The following GPC5 variants were observed in gnomAD, a reference collection of about 807,000 sequenced individuals.
GPC5 encodes glypican-5.
A neutral mutation model predicts 53.9 loss-of-function variants in GPC5; 47 were observed. The observed-to-expected ratio is 0.87, with a 90% CI of 0.69 to 1.11. GPC5 has a LOEUF of 1.11. Among genes scored for constraint, GPC5 ranks in the 50% most tolerant of loss-of-function variants. The pLI is 0.00. For synonymous variants in GPC5, 286 were observed against 263.3 expected (o/e 1.09, Z -0.84); for missense variants, 748 against 713.1 (o/e 1.05, Z -0.56).
At chr13:91,465,204 C>A (rs1035111946) in intron 2 of GPC5, among the ~76,000 whole-genome samples, 14 of 152,086 alleles carry the variant, frequency 9.2e-5, no homozygotes, top group African/African-American at 3.4e-4. Context: ...ACTTGCTCTT[C>A]ATCTTTAATG....
At chr13:92,488,238 G>A (rs1270619973) in intron 7 of GPC5, among the ~76,000 whole-genome samples, 2 of 152,080 alleles carry the variant, frequency 1.3e-5, no homozygotes, top group Non-Finnish European at 2.9e-5. Flanking sequence ...TTTAAGGATT[G>A]CAAACTTACT....
intron 1 of GPC5, among the ~76,000 whole-genome samples, chr13:91,413,630 G>A (rs755377058): frequency 3.3e-5 from 5 of 152,192 alleles, no homozygotes; most frequent in South Asian, 2.1e-4. Context: ...CCATCCTATC[G>A]TCTTGAGCTT....
chr13:91,718,595 G>A (rs1376166040), intron 3 of GPC5, among the ~76,000 whole-genome samples: 3 of 151,614 alleles, frequency 2.0e-5, no homozygotes, highest in Non-Finnish European at 2.9e-5. Flanking sequence ...GGTCATGTGA[G>A]GAAAATTATT....
chr13:92,520,191 A>C (rs969542970), intron 7 of GPC5, among the ~76,000 whole-genome samples: 3 of 152,202 alleles, frequency 2.0e-5, no homozygotes, highest in Admixed American at 1.3e-4. Context: ...GCAGAATTCT[A>C]CCAGAGGTAC....
chr13:92,746,948 G>A (rs1400102915), intron 7 of GPC5, among the ~76,000 whole-genome samples: 1 of 151,952 alleles, frequency 6.6e-6, no homozygotes. Flanking sequence ...TTAAGTATAT[G>A]GTATAGCTTA....
rs1491346250 is a variant in GPC5, at chr13:91,586,562, GTA to G, written c.326-106624_326-106623del. 1.5e-4 allele frequency among the ~76,000 whole-genome samples: 3 copies of G among 19,704 alleles called. 1 individual carries two copies. Among genetic ancestry groups the G allele is most frequent in the Non-Finnish European group, 2.5e-4 (3 of 11,950 alleles). The allele number at this position is 19,704 out of a possible 152,430, so 12.9% of individuals were successfully genotyped here. A position where few individuals can be genotyped will look rare whatever the true frequency, so the allele number is the denominator to read the frequency against. On this transcript the variant is annotated intron_variant, in intron 2 of 7. Coordinates refer to ENST00000377067, the MANE Select transcript of GPC5 (RefSeq NM_004466.6). ...TATATATATATATATATATATATAT[GTA>G]GAGAGAGAGAGAGAGAGAGAGAGAG...
intron 4 of GPC5, 65 bp downstream of exon 4, chr13:91,728,730 AG>A: frequency 6.7e-7 from 1 of 1,488,882 alleles, no homozygotes; most frequent in Non-Finnish European, 9.1e-7. Flanking sequence ...ACAACAGAAT[AG>A]AACATATTCA....
intron 7 of GPC5, among the ~76,000 whole-genome samples, chr13:92,200,526 A>G (rs914382777): frequency 6.6e-6 from 1 of 152,234 alleles, no homozygotes; most frequent in Non-Finnish European, 1.5e-5. Context: ...AGAAAATTAT[A>G]ACAGTTGAGA....
At chr13:91,641,654 C>T (rs1287245712) in intron 2 of GPC5, among the ~76,000 whole-genome samples, 1 of 152,198 alleles carries the variant, frequency 6.6e-6, no homozygotes, top group African/African-American at 2.4e-5. Flanking sequence ...AAGGTTTGCA[C>T]TTCATAGGAA....
At chr13:91,750,231 A>G (rs931143823) in intron 4 of GPC5, among the ~76,000 whole-genome samples, 1 of 152,234 alleles carries the variant, frequency 6.6e-6, no homozygotes, top group Admixed American at 6.5e-5. Context: ...GTCCAGACAT[A>G]GAGGCTTTGA....
intron 7 of GPC5, among the ~76,000 whole-genome samples, chr13:92,719,027 T>C (rs182938279): frequency 1.2e-3 from 190 of 152,034 alleles, no homozygotes; most frequent in African/African-American, 4.3e-3. Flanking sequence ...ACTATCAAAA[T>C]ATCACATGTA....
chr13:92,489,371 C>T (rs150315508), intron 7 of GPC5, among the ~76,000 whole-genome samples: 2,362 of 152,150 alleles, frequency 0.016, 29 homozygotes, highest in Middle Eastern at 0.037. Flanking sequence ...TCTATTCTAA[C>T]GGGGAAACAG....
At chr13:91,714,422 G>T (rs1040177917) in intron 3 of GPC5, among the ~76,000 whole-genome samples, 1 of 152,164 alleles carries the variant, frequency 6.6e-6, no homozygotes, top group Non-Finnish European at 1.5e-5. Flanking sequence ...ATGCATTCAA[G>T]CTCTGTCCAT....
chr13:92,068,372 G>A (rs1289636121), intron 6 of GPC5, among the ~76,000 whole-genome samples: 1 of 151,766 alleles, frequency 6.6e-6, no homozygotes, highest in Non-Finnish European at 1.5e-5. Flanking sequence ...TGCTCATATT[G>A]TAACCGGTGA....
intron 7 of GPC5, among the ~76,000 whole-genome samples, chr13:92,433,680 G>C (rs1566588648): frequency 6.6e-6 from 1 of 152,120 alleles, no homozygotes; most frequent in African/African-American, 2.4e-5. Context: ...CAACTAAACT[G>C]ATGCAATCAG....
At chr13:92,458,927 G>A (rs767259988) in intron 7 of GPC5, among the ~76,000 whole-genome samples, 16 of 152,082 alleles carry the variant, frequency 1.1e-4, no homozygotes, top group African/African-American at 3.6e-4. Flanking sequence ...CACGTGCTTT[G>A]TGAGTGCCTA....
In GPC5 at chr13:92,692,754, ATTTTT is replaced by A. The variant is rs71272284; in HGVS notation, c.1562-173510_1562-173506del. 5.6e-4 allele frequency among the ~76,000 whole-genome samples: 45 copies of A among 81,036 alleles called. 2 individuals are homozygous for A. Among genetic ancestry groups the A allele is most frequent in the East Asian group, 4.2e-3 (5 of 1,184 alleles). The allele number at this position is 81,036 out of a possible 152,430, so 53.2% of individuals were successfully genotyped here. A position where few individuals can be genotyped will look rare whatever the true frequency, so the allele number is the denominator to read the frequency against. ...CTCCAAAGCCTCACCAATATCGGCT[ATTTTT>A]TTTTTTTTTTTTTTTTTACATTTTA... On this transcript the variant is annotated intron_variant, in intron 7 of 7. Transcript: ENST00000377067.
At chr13:92,588,141 G>A (rs1025859967) in intron 7 of GPC5, among the ~76,000 whole-genome samples, 1 of 151,938 alleles carries the variant, frequency 6.6e-6, no homozygotes, top group Non-Finnish European at 1.5e-5. Flanking sequence ...TGTTCTCATT[G>A]TTCAACTCCC....
intron 7 of GPC5, among the ~76,000 whole-genome samples, chr13:92,450,734 A>G (rs1397315411): frequency 6.6e-6 from 1 of 152,218 alleles, no homozygotes; most frequent in African/African-American, 2.4e-5. Context: ...TCCCAGCTAC[A>G]TGACATCATA....
Sources: gnomAD v4.1 joint callset for allele counts (sites outside exome capture counted in the v4.1 genomes callset) on GRCh38, gnomAD v4.1.1 for gene constraint, MANE v1.5 for transcripts, NCBI Gene and HGNC (gene_info 2026-07-23, HGNC 2026-07-21) for gene names.